Variants in FRYL observed in about 807,000 individuals in gnomAD.
FRYL encodes protein furry homolog-like.
In FRYL, 150 loss-of-function variants were observed where a neutral mutation model predicts 351.2. That is an observed-to-expected ratio of 0.43 (90% CI 0.37 to 0.49). FRYL has a LOEUF of 0.49. FRYL is among the 20% of genes least tolerant of loss of function. The pLI, the probability that FRYL is intolerant of heterozygous loss-of-function variation, is 0.00. For synonymous variants in FRYL, 1,153 were observed against 1,257.1 expected (o/e 0.92, Z 1.75); for missense variants, 3,036 against 3,619.3 (o/e 0.84, Z 4.13).
chr4:48,754,948 C>A (rs529875282), intron 1 of FRYL, among the ~76,000 whole-genome samples: 54 of 152,208 alleles, frequency 3.5e-4, no homozygotes, highest in African/African-American at 1.3e-3. Flanking sequence ...GGCCCTGAAT[C>A]GTTTTCAATT....
intron 47 of FRYL, among the ~76,000 whole-genome samples, chr4:48,537,732 A>G (rs1464320823): frequency 2.0e-5 from 3 of 152,208 alleles, no homozygotes; most frequent in Non-Finnish European, 4.4e-5. Context: ...GGGAATTTCC[A>G]TGGCCCTACT....
At chr4:48,699,934 A>G (rs1318180155) in intron 2 of FRYL, among the ~76,000 whole-genome samples, 1 of 152,200 alleles carries the variant, frequency 6.6e-6, no homozygotes, top group Non-Finnish European at 1.5e-5. Context: ...ATTAATGTTA[A>G]CTAGAATATT....
intron 3 of FRYL, among the ~76,000 whole-genome samples, chr4:48,649,001 A>G (rs770702517): frequency 6.3e-4 from 96 of 152,242 alleles, no homozygotes; most frequent in Non-Finnish European, 2.2e-4. Context: ...TTTGAAAAAC[A>G]GCAATAATAT....
chr4:48,609,700 G>T, intron 8 of FRYL, 44 bp downstream of exon 8: 1 of 920,178 alleles, frequency 1.1e-6, no homozygotes, highest in Non-Finnish European at 1.7e-6. Context: ...TCTAGACCTG[G>T]ATTGCAAAAA....
intron 35 of FRYL, 86 bp downstream of exon 35, chr4:48,556,892 G>T: frequency 1.6e-6 from 2 of 1,259,880 alleles, no homozygotes. Context: ...TGCCTCTCCT[G>T]GGCAACTGCT....
chr4:48,757,391 G>A (rs973847081), intron 1 of FRYL, among the ~76,000 whole-genome samples: 1 of 152,178 alleles, frequency 6.6e-6, no homozygotes, highest in Non-Finnish European at 1.5e-5. Flanking sequence ...CTTCAGCAAA[G>A]TCTCAGGATA....
chr4:48,552,256 TG>T (rs1733006522), intron 36 of FRYL, among the ~76,000 whole-genome samples: 3 of 127,280 alleles, frequency 2.4e-5, no homozygotes, highest in African/African-American at 7.8e-5. Context: ...TGTGTGTGTG[TG>T]TGTGTGTGTG....
chr4:48,628,949 T>C (rs1194182373), intron 4 of FRYL, among the ~76,000 whole-genome samples: 1 of 151,262 alleles, frequency 6.6e-6, no homozygotes, highest in Non-Finnish European at 1.5e-5. Flanking sequence ...GTTTTTATTA[T>C]ATAATCTTTA....
At chr4:48,535,942 G>T in intron 47 of FRYL, 115 bp from the exon 48 acceptor site, 1 of 799,900 alleles carries the variant, frequency 1.3e-6, no homozygotes, top group Non-Finnish European at 1.8e-6. Context: ...TGGTTTTAAT[G>T]CATTTTACTT....
At position 48,623,174 on chromosome 4, in the gene FRYL, C is replaced by G; in HGVS notation, c.126G>C (p.Lys42Asn). The G allele has an allele frequency of 6.7e-7, 1 of 1,491,466 alleles. No homozygotes were observed. The highest frequency in any genetic ancestry group is 2.3e-5 in the East Asian group (1 of 42,710). The allele number at this position is 1,491,466 out of a possible 1,614,324, so 92.4% of individuals were successfully genotyped here. A position where few individuals can be genotyped will look rare whatever the true frequency, so the allele number is the denominator to read the frequency against. ...CCCTCTGAAGAGATCTGGACAATAG[C>G]TTCTCCTATGATTAAAAAAAACAAA... ...IEVVMAEPLE[K>N]LLSRSLQRGE... Residue 42 changes from lysine (K) to asparagine (N), a missense_variant, in exon 5 of 64, where the codon AAG becomes AAC. By Grantham distance (94) the Lys-to-Asn change is moderately conservative. Transcript: ENST00000358350.
At chr4:48,658,256 T>C (rs1759669378) in intron 3 of FRYL, among the ~76,000 whole-genome samples, 1 of 152,170 alleles carries the variant, frequency 6.6e-6, no homozygotes, top group Non-Finnish European at 1.5e-5. Context: ...ATTCCTCATA[T>C]TGACAGTTTT....
At chr4:48,711,655 G>A (rs923534022) in intron 1 of FRYL, among the ~76,000 whole-genome samples, 2 of 152,140 alleles carry the variant, frequency 1.3e-5, no homozygotes, top group Middle Eastern at 3.4e-3. Context: ...CAAACAAAAA[G>A]ACAGCAGTAA....
Position 48,557,943 on chromosome 4 carries a change from ATGTT to A in FRYL, c.3866-235_3866-232del, listed in dbSNP as rs1476408491. 2.6e-5 allele frequency among the ~76,000 whole-genome samples: 4 copies of A among 152,340 alleles called. No individual in the cohort carries two copies. In the South Asian group the frequency reaches 6.2e-4, roughly 24 times the overall value. ...AAAATACTTTTGGCAGTTAAAATAA[ATGTT>A]TGTGCACTGTTGGTGGCATTGTAAA... On this transcript the variant is annotated intron_variant, in intron 33 of 63. Coordinates refer to ENST00000358350, the MANE Select transcript of FRYL (RefSeq NM_015030.2).
intron 55 of FRYL, among the ~76,000 whole-genome samples, chr4:48,519,947 G>T (rs1183807042): frequency 6.6e-6 from 1 of 152,134 alleles, no homozygotes. Flanking sequence ...TTGGCCAGAT[G>T]GTCTCGATCT....
intron 1 of FRYL, among the ~76,000 whole-genome samples, chr4:48,759,151 G>A (rs12502095): frequency 0.026 from 3,974 of 151,870 alleles, 67 homozygotes; most frequent in Admixed American, 0.046. Flanking sequence ...TAATGGGTGC[G>A]GCACACCAAC....
intron 1 of FRYL, among the ~76,000 whole-genome samples, chr4:48,713,197 T>A (rs934931397): frequency 2.4e-4 from 36 of 151,282 alleles, no homozygotes; most frequent in Admixed American, 1.8e-3. Context: ...CCAGCTAACA[T>A]CATAATGACA....
At chr4:48,717,616 C>T (rs894581251) in intron 1 of FRYL, among the ~76,000 whole-genome samples, 6 of 151,648 alleles carry the variant, frequency 4.0e-5, no homozygotes, top group African/African-American at 1.5e-4. Flanking sequence ...TTATAGCTCA[C>T]TGCAGCCTCA....
chr4:48,626,800 CAT>C (rs1176218958), intron 4 of FRYL, among the ~76,000 whole-genome samples: 1 of 152,014 alleles, frequency 6.6e-6, no homozygotes, highest in Non-Finnish European at 1.5e-5. Context: ...TTTTTTCTCT[CAT>C]GTGTGATTAA....
chr4:48,773,590 C>T lies in FRYL; in HGVS notation c.-384+6488G>A, dbSNP rs150042980. On this transcript the variant is annotated intron_variant, in intron 1 of 63. Transcript: ENST00000358350. ...TTTTCATAGGGGAAAAAAAAAATTT[C>T]CTATTATTCTCCAGGCTTAGGTAGA... is the stretch of plus-strand genomic sequence containing the variant. 4.5e-3 allele frequency among the ~76,000 whole-genome samples: 685 copies of T among 152,226 alleles called. 20 individuals are homozygous for T. The highest frequency in any genetic ancestry group is 0.041 in the Admixed American group (624 of 15,282).
Sources: gnomAD v4.1 joint callset for allele counts (sites outside exome capture counted in the v4.1 genomes callset) on GRCh38, gnomAD v4.1.1 for gene constraint, MANE v1.5 for transcripts, NCBI Gene and HGNC (gene_info 2026-07-23, HGNC 2026-07-21) for gene names.